Variants in EPCAM observed in about 807,000 individuals in gnomAD.
EPCAM encodes adenocarcinoma-associated antigen.
Under a neutral mutation model 40.0 loss-of-function variants are expected in EPCAM, and 39 were observed. The observed-to-expected ratio is 0.98, with a 90% CI of 0.76 to 1.27. The LOEUF is 1.27. EPCAM is among the 50% of genes most tolerant of loss of function. The pLI is 0.00. For missense variants in EPCAM, 503 were observed against 381.2 expected, an observed-to-expected ratio of 1.32 and a Z score of -2.66; for synonymous variants, 168 against 132.3, an observed-to-expected ratio of 1.27 and a Z score of -1.85.
Position 47,369,395 on chromosome 2 carries a change from G to C in EPCAM, c.-111G>C. 2 of 1,210,068 alleles carry C rather than the reference G, an allele frequency of 1.7e-6. No homozygotes were observed. The highest frequency in any genetic ancestry group is 2.2e-6 in the Non-Finnish European group (2 of 929,892). The allele number at this position is 1,210,068 out of a possible 1,614,324, so 75.0% of individuals were successfully genotyped here. A position where few individuals can be genotyped will look rare whatever the true frequency, so the allele number is the denominator to read the frequency against. ...CGCTGTCCTCCCGACGCGGACCCGC[G>C]TGCCCCAGGCCTCGCGCTGCCCGGC... On this transcript the variant is annotated 5_prime_UTR_variant, in exon 1 of 9. Transcript: ENST00000263735.
At chr2:47,383,305 G>GGAAAAAAA (rs1305593102) in intron 7 of EPCAM, 1 of 124,046 alleles carries the variant, frequency 8.1e-6, no homozygotes, top group African/African-American at 2.9e-5. Flanking sequence ...GACTCCATCT[G>GGAAAAAAA]AAAAAAAAAA....
At chr2:47,372,583 C>A (rs539971194) in intron 1 of EPCAM, among the ~76,000 whole-genome samples, 1 of 152,100 alleles carries the variant, frequency 6.6e-6, no homozygotes, top group South Asian at 2.1e-4. Flanking sequence ...ATCAGCCTGG[C>A]CATTATGCTG....
rs1458950439 is a variant in EPCAM at position 47,377,223 on chromosome 2, G to A, written c.555+146G>A. ...TCTGGGTACTTAATGTGAATTTCCT[G>A]TTACTGTTTTTTTTTGTTTGTTTGT... On this transcript the variant is annotated intron_variant, in intron 5 of 8. Coordinates refer to ENST00000263735, the MANE Select transcript of EPCAM (RefSeq NM_002354.3). The A allele has an allele frequency of 1.4e-5, 10 of 701,604 alleles. No homozygotes were observed. In the East Asian group the frequency reaches 1.5e-4, roughly 11 times the overall value. The allele number at this position is 701,604 out of a possible 1,614,324, so 43.5% of individuals were successfully genotyped here.
rs1671392125 is a variant in EPCAM, at chr2:47,375,249, A to C, written c.441A>C (p.Glu147Asp). ...TACTTTATAGCTGGATCATCATTGAACTAAAACACAAAGCAAGAGAAAAAC... is the reference window on the plus strand; with the variant it reads ...TACTTTATAGCTGGATCATCATTGACCTAAAACACAAAGCAAGAGAAAAAC... ...ERVRTYWIII[E>D]LKHKAREKPY... The change falls in exon 4 of 9, where the codon GAA (glutamate) becomes GAC (aspartate). Residue 147 changes from glutamate to aspartate, a missense_variant. Glu to Asp is a conservative substitution (Grantham distance 45). Transcript: ENST00000263735. The C allele has an allele frequency of 6.2e-7, 1 of 1,610,750 alleles. No individual in the cohort carries two copies.
rs145628602 is a variant in EPCAM, at chr2:47,376,021, A to G, written c.491+722A>G. Reference sequence around the variant, plus strand: ...GCCCGGCCAGGAAATTTAACGTTATATCACGTTGTGCCCATTTTCCCAATA... The same window carrying G: ...GCCCGGCCAGGAAATTTAACGTTATGTCACGTTGTGCCCATTTTCCCAATA... On this transcript the variant is annotated intron_variant, in intron 4 of 8. Transcript: ENST00000263735. 3.0e-3 allele frequency among the ~76,000 whole-genome samples: 449 copies of G among 152,130 alleles called. 2 individuals carry two copies. Among genetic ancestry groups the G allele is most frequent in the African/African-American group, 9.6e-3 (397 of 41,510 alleles).
At chr2:47,384,235 A>G (rs1412995191) in intron 7 of EPCAM, among the ~76,000 whole-genome samples, 1 of 146,810 alleles carries the variant, frequency 6.8e-6, no homozygotes, top group East Asian at 2.1e-4. Flanking sequence ...TCCCGAGTAG[A>G]TGGGATTACA....
chr2:47,378,360 G>A (rs1290970957), intron 5 of EPCAM, among the ~76,000 whole-genome samples: 1 of 145,414 alleles, frequency 6.9e-6, no homozygotes, highest in Non-Finnish European at 1.5e-5. Flanking sequence ...GGAGTGCAAT[G>A]GCGCCATCTC....
At chr2:47,380,997 A>G (rs968887373) in intron 7 of EPCAM, among the ~76,000 whole-genome samples, 1 of 146,760 alleles carries the variant, frequency 6.8e-6, no homozygotes, top group Non-Finnish European at 1.5e-5. Flanking sequence ...GAGGCAGGAG[A>G]ATAGCTTGAA....
chr2:47,383,647 T>C (rs1389756774), intron 7 of EPCAM, among the ~76,000 whole-genome samples: 1 of 92,846 alleles, frequency 1.1e-5, no homozygotes, highest in Non-Finnish European at 2.0e-5. Flanking sequence ...TTTTTTTTTT[T>C]TTTTTGAGAT....
chr2:47,385,463 G>T (rs1206334000), intron 8 of EPCAM, among the ~76,000 whole-genome samples: 1 of 152,158 alleles, frequency 6.6e-6, no homozygotes, highest in African/African-American at 2.4e-5. Flanking sequence ...TCTACAAAGA[G>T]TCAACATCTA....
chr2:47,371,687 C>T (rs187354327), intron 1 of EPCAM, among the ~76,000 whole-genome samples: 2 of 152,288 alleles, frequency 1.3e-5, no homozygotes, highest in East Asian at 1.9e-4. Context: ...TTAAATTTTA[C>T]GCCCCTTAGG....
intron 3 of EPCAM, 104 bp downstream of exon 3, chr2:47,374,152 G>A: frequency 1.5e-6 from 2 of 1,369,144 alleles, no homozygotes; most frequent in Non-Finnish European, 2.0e-6. Flanking sequence ...GAATTCAGAA[G>A]ATATGAGTGT....
intron 7 of EPCAM, 149 bp from the exon 8 acceptor site, chr2:47,385,017 A>T (rs4952886): frequency 1.5e-6 from 1 of 674,802 alleles, no homozygotes; most frequent in African/African-American, 1.8e-5. Context: ...GAAATTTTTA[A>T]TTTAAGAAGC....
intron 4 of EPCAM, 138 bp from the exon 5 acceptor site, chr2:47,376,876 T>C: frequency 1.6e-6 from 1 of 643,790 alleles, no homozygotes; most frequent in Non-Finnish European, 2.8e-6. Flanking sequence ...ATTATTATTA[T>C]GATAGTTGCA....
chr2:47,382,489 C>G (rs766010299), intron 7 of EPCAM, among the ~76,000 whole-genome samples: 6 of 152,004 alleles, frequency 3.9e-5, no homozygotes, highest in Non-Finnish European at 5.9e-5. Context: ...GAGTCCGAGA[C>G]CAGCCTGACC....
rs1671356759 is a variant in EPCAM, at chr2:47,374,014, A to G, written c.391A>G (p.Thr131Ala). The change falls in exon 3 of 9, where the codon ACT becomes GCT. Residue 131 changes from threonine to alanine, a missense_variant. Physicochemically the swap from Thr to Ala is moderately conservative, Grantham distance 58. Transcript: ENST00000263735. ...TGGGGTCAGAAGAACAGACAAGGAC[A>G]CTGAAATAACCTGCTCTGAGCGAGT... is the stretch of plus-strand genomic sequence containing the variant. Reference protein sequence around the residue: ...TAGVRRTDKDTEITCSERVRT... With the variant: ...TAGVRRTDKDAEITCSERVRT... 2.5e-6 allele frequency: 4 copies of G among 1,614,210 alleles called. No individual in the cohort carries two copies. In the South Asian group the frequency reaches 4.4e-5, roughly 18 times the overall value.
At chr2:47,376,143 G>T (rs913706016) in intron 4 of EPCAM, among the ~76,000 whole-genome samples, 1 of 151,592 alleles carries the variant, frequency 6.6e-6, no homozygotes, top group South Asian at 2.1e-4. Flanking sequence ...TCTTAATATC[G>T]AACAGTTTCT....
intron 3 of EPCAM, 116 bp downstream of exon 3, chr2:47,374,164 C>T (rs1174237574): frequency 8.0e-7 from 1 of 1,245,282 alleles, no homozygotes; most frequent in Non-Finnish European, 1.1e-6. Context: ...TATGAGTGTC[C>T]AGTGAAAAGC....
intron 7 of EPCAM, among the ~76,000 whole-genome samples, chr2:47,380,642 G>A (rs1426421760): frequency 2.6e-5 from 4 of 152,162 alleles, no homozygotes; most frequent in African/African-American, 9.7e-5. Flanking sequence ...GTTAACGTTA[G>A]CCATACAAAA....
Sources: allele counts gnomAD v4.1 joint callset (sites outside exome capture counted in the v4.1 genomes callset), GRCh38; gene constraint gnomAD v4.1.1; transcripts MANE v1.5; gene names NCBI Gene and HGNC (gene_info 2026-07-23, HGNC 2026-07-21).